PDE1C: variants seen among roughly 807,000 people sequenced by gnomAD.
The protein encoded by PDE1C is dual specificity calcium/calmodulin-dependent 3',5'-cyclic nucleotide phosphodiesterase 1C.
PDE1C carries 62 observed loss-of-function variants against 93.1 expected under a neutral mutation model. The ratio of observed to expected loss-of-function variants is 0.67; its 90% confidence interval spans 0.54 to 0.82. The LOEUF is 0.82. Among genes scored for constraint, PDE1C ranks in the 40% least tolerant of loss-of-function variants. PDE1C has a pLI of 0.00. For missense variants in PDE1C, 742 were observed against 884.6 expected, an observed-to-expected ratio of 0.84 and a Z score of 2.04; for synonymous variants, 325 against 310.1, an observed-to-expected ratio of 1.05 and a Z score of -0.50.
chr7:32,201,069 C>G (rs1478096422), intron 2 of PDE1C, among the ~76,000 whole-genome samples: 1 of 152,260 alleles, frequency 6.6e-6, no homozygotes, highest in Non-Finnish European at 1.5e-5. Context: ...GCTGCAAAAT[C>G]TGCACACATG....
At chr7:32,368,940 A>G (rs1288101435) in intron 1 of PDE1C, among the ~76,000 whole-genome samples, 2 of 152,172 alleles carry the variant, frequency 1.3e-5, no homozygotes, top group African/African-American at 4.8e-5. Context: ...CTGGCTATCT[A>G]TATGCAAAAG....
chr7:32,045,302 C>T (rs1792394379), intron 2 of PDE1C, among the ~76,000 whole-genome samples: 1 of 152,010 alleles, frequency 6.6e-6, no homozygotes, highest in Non-Finnish European at 1.5e-5. Context: ...GTCTCAGCAT[C>T]CATCTGTGAC....
At chr7:31,741,265 G>T in the PDE1C span, among the ~76,000 whole-genome samples, 1 of 151,926 alleles carries the variant, frequency 6.6e-6, no homozygotes, top group Admixed American at 6.6e-5. Context: ...TCTACATAAG[G>T]TGATGGTAAC....
At chr7:32,001,990 T>G (rs1785527002) in intron 2 of PDE1C, among the ~76,000 whole-genome samples, 1 of 151,736 alleles carries the variant, frequency 6.6e-6, no homozygotes, top group Admixed American at 6.6e-5. Flanking sequence ...ACCCAGGAGG[T>G]GGAGGTTGCA....
intron 1 of PDE1C, among the ~76,000 whole-genome samples, chr7:32,328,325 T>C (rs1198958512): frequency 2.0e-5 from 3 of 152,198 alleles, no homozygotes; most frequent in Non-Finnish European, 2.9e-5. Context: ...CTCCAATCCA[T>C]TCTCCAAATA....
chr7:32,235,085 G>T (rs1321512135), intron 1 of PDE1C, among the ~76,000 whole-genome samples: 1 of 151,860 alleles, frequency 6.6e-6, no homozygotes, highest in Non-Finnish European at 1.5e-5. Context: ...AGCAAACTAG[G>T]AACAGAAAGG....
intron 1 of PDE1C, among the ~76,000 whole-genome samples, chr7:32,418,332 C>T (rs1785318880): frequency 6.6e-6 from 1 of 152,208 alleles, no homozygotes; most frequent in Non-Finnish European, 1.5e-5. Flanking sequence ...ACTAGATGTG[C>T]AACCTCAGAT....
At chr7:31,718,118 G>A in the PDE1C span, among the ~76,000 whole-genome samples, 40 of 152,176 alleles carry the variant, frequency 2.6e-4, no homozygotes, top group African/African-American at 8.7e-4. Context: ...GTATACTCTC[G>A]CTGTATGGGA....
At chr7:32,021,146 C>T (rs1018417250) in intron 2 of PDE1C, among the ~76,000 whole-genome samples, 2 of 152,098 alleles carry the variant, frequency 1.3e-5, no homozygotes, top group East Asian at 1.9e-4. Context: ...GTGGTTCTAT[C>T]CCCAGTGAAG....
chr7:32,036,102 C>T (rs1462059444), intron 2 of PDE1C, among the ~76,000 whole-genome samples: 2 of 152,174 alleles, frequency 1.3e-5, no homozygotes, highest in Non-Finnish European at 2.9e-5. Flanking sequence ...ACACAGGTTT[C>T]TCCATTCACA....
intron 14 of PDE1C, among the ~76,000 whole-genome samples, chr7:31,819,315 G>C (rs1788664724): frequency 1.3e-5 from 2 of 152,038 alleles, no homozygotes; most frequent in Admixed American, 1.3e-4. Context: ...ATTGACAGGA[G>C]GTAGGTCTTT....
At chr7:32,079,277 A>G (rs1796525831) in intron 3 of PDE1C, among the ~76,000 whole-genome samples, 1 of 152,232 alleles carries the variant, frequency 6.6e-6, no homozygotes, top group Non-Finnish European at 1.5e-5. Flanking sequence ...TGCACCATGG[A>G]TCTTTAATCT....
At chr7:32,317,589 T>TC (rs1047156579) in intron 1 of PDE1C, among the ~76,000 whole-genome samples, 13 of 152,204 alleles carry the variant, frequency 8.5e-5, no homozygotes, top group African/African-American at 3.1e-4. Flanking sequence ...AGTGATAGTT[T>TC]TTTTTTTTAC....
At chr7:32,094,772 C>T (rs1797662454) in intron 3 of PDE1C, among the ~76,000 whole-genome samples, 2 of 152,174 alleles carry the variant, frequency 1.3e-5, no homozygotes, top group Non-Finnish European at 2.9e-5. Flanking sequence ...GATGAAGTCC[C>T]AGATACATAG....
chr7:31,635,025 T>C, the PDE1C span, among the ~76,000 whole-genome samples: 2 of 152,206 alleles, frequency 1.3e-5, no homozygotes, highest in African/African-American at 2.4e-5. Context: ...CCAGATGCCA[T>C]ATTGCCTTCC....
At chr7:32,205,954 C>G (rs1323753699) in intron 2 of PDE1C, among the ~76,000 whole-genome samples, 2 of 152,176 alleles carry the variant, frequency 1.3e-5, no homozygotes, top group Admixed American at 6.5e-5. Flanking sequence ...GTAACACTCA[C>G]CAGGTGGGTC....
rs114932824 is a variant in PDE1C at position 32,268,057 on chromosome 7, G to A, written c.85+30594C>T. ...CTAGGTGCAGTGGTCATAGGGCAAC[G>A]TCGGGGGTTACCCACCAGCCATGCG... On this transcript the variant is annotated intron_variant, in intron 1 of 18. Transcript: ENST00000396193. Among the ~76,000 whole-genome samples the A allele has an allele frequency of 4.0e-3, 608 of 152,314 alleles. 5 individuals are homozygous for A. The highest frequency in any genetic ancestry group is 0.014 in the African/African-American group (579 of 41,574).
intron 2 of PDE1C, among the ~76,000 whole-genome samples, chr7:32,031,971 A>G (rs1790385031): frequency 6.6e-6 from 1 of 152,118 alleles, no homozygotes; most frequent in Non-Finnish European, 1.5e-5. Context: ...CCCAGTAGTC[A>G]GAGACTAGAT....
At chr7:31,619,114 T>G in the PDE1C span, among the ~76,000 whole-genome samples, 5 of 152,124 alleles carry the variant, frequency 3.3e-5, no homozygotes, top group Middle Eastern at 3.4e-3. Context: ...TCTGTGTATA[T>G]TAGTCACAAC....
Sources: gnomAD v4.1 joint callset for allele counts (sites outside exome capture counted in the v4.1 genomes callset) on GRCh38, gnomAD v4.1.1 for gene constraint, MANE v1.5 for transcripts, NCBI Gene and HGNC (gene_info 2026-07-23, HGNC 2026-07-21) for gene names.